The following TIAM1 variants were observed in gnomAD, a reference collection of about 807,000 sequenced individuals.
TIAM1 encodes the protein rho guanine nucleotide exchange factor TIAM1.
A neutral mutation model predicts 163.5 loss-of-function variants in TIAM1; 65 were observed. That is an observed-to-expected ratio of 0.40 (90% CI 0.33 to 0.49). TIAM1 has a LOEUF of 0.49. Ranked by LOEUF, TIAM1 falls within the 20% of genes least tolerant of loss-of-function variation. The probability of loss-of-function intolerance (pLI) is 0.77; values close to 1 mark genes in which losing one functional copy is unlikely to be tolerated. For missense variants in TIAM1, 1,789 were observed against 2,044.7 expected (o/e 0.87, Z 2.41); for synonymous variants, 833 against 810.1 (o/e 1.03, Z -0.48).
intron 2 of TIAM1, among the ~76,000 whole-genome samples, chr21:31,372,451 G>A (rs1202682429): frequency 1.3e-5 from 2 of 152,130 alleles, no homozygotes; most frequent in African/African-American, 2.4e-5. Flanking sequence ...GCCTTAGGGG[G>A]GCATCTGTGA....
At chr21:31,448,956 T>C (rs925198676) in intron 2 of TIAM1, among the ~76,000 whole-genome samples, 1 of 152,082 alleles carries the variant, frequency 6.6e-6, no homozygotes, top group East Asian at 1.9e-4. Flanking sequence ...GCCCACCTGC[T>C]AGGATTGGCT....
chr21:31,427,763 G>A (rs1416137575), intron 2 of TIAM1, among the ~76,000 whole-genome samples: 1 of 152,104 alleles, frequency 6.6e-6, no homozygotes, highest in Non-Finnish European at 1.5e-5. Context: ...GAGCCCAGGA[G>A]ATTGAGGCTG....
chr21:31,458,528 A>G lies in TIAM1; in HGVS notation c.-369+5455T>C, dbSNP rs1187268320. 2.6e-5 allele frequency among the ~76,000 whole-genome samples: 4 copies of G among 152,314 alleles called. No individual in the cohort carries two copies. The East Asian group carries it at 7.7e-4, about 29-fold the overall frequency. On this transcript the variant is annotated intron_variant, in intron 2 of 28. Coordinates refer to the TIAM1 transcript ENST00000286827. ...TAAGTCTGAACTATTCCCTCAATGT[A>G]TTCTTCTTGGGAAACTGTACTTACC...
intron 2 of TIAM1, among the ~76,000 whole-genome samples, chr21:31,447,292 C>G (rs1002924953): frequency 6.6e-6 from 1 of 151,894 alleles, no homozygotes; most frequent in Non-Finnish European, 1.5e-5. Context: ...TTTTAATTAG[C>G]AGGGTGTAGT....
chr21:31,376,584 C>T (rs182141918), intron 2 of TIAM1, among the ~76,000 whole-genome samples: 5 of 152,242 alleles, frequency 3.3e-5, no homozygotes, highest in African/African-American at 9.6e-5. Flanking sequence ...CAAACACACG[C>T]ACAGCAGAGG....
At chr21:31,243,012 C>G (rs1032340384) in intron 6 of TIAM1, among the ~76,000 whole-genome samples, 1 of 150,258 alleles carries the variant, frequency 6.7e-6, no homozygotes, top group Non-Finnish European at 1.5e-5. Flanking sequence ...CATGGAGAAA[C>G]CCCACCTCTA....
rs781153297 is a variant in TIAM1 at position 31,181,756 on chromosome 21, CTTTTTTTTTTTTTTTT to C, written c.2887+649_2887+664del. On this transcript the variant is annotated intron_variant, in intron 15 of 27. Coordinates refer to ENST00000541036, the MANE Select transcript of TIAM1 (RefSeq NM_001353694.2). ...CCCAGCACTTCTTCTTCTTCTTCTT[CTTTTTTTTTTTTTTTT>C]TTTTTTTTTTTTTTTTTTTTTTTTT... 5.7e-3 allele frequency among the ~76,000 whole-genome samples: 234 copies of C among 41,328 alleles called. 24 individuals are homozygous for C. The highest frequency in any genetic ancestry group is 0.013 in the African/African-American group (168 of 12,686). 27.1% of individuals were successfully genotyped at this position (41,328 alleles called of 152,430 possible).
At chr21:31,194,403 G>A (rs577566173) in intron 13 of TIAM1, among the ~76,000 whole-genome samples, 3 of 152,176 alleles carry the variant, frequency 2.0e-5, no homozygotes. Context: ...ATTTGTATGG[G>A]AAGGGAGGAT....
chr21:31,252,758 G>T (rs894963790), intron 4 of TIAM1, among the ~76,000 whole-genome samples: 1 of 152,184 alleles, frequency 6.6e-6, no homozygotes, highest in African/African-American at 2.4e-5. Context: ...CACCCAGCAC[G>T]GCTCCGTGTT....
chr21:31,390,453 A>G (rs28522576), intron 2 of TIAM1, among the ~76,000 whole-genome samples: 10,671 of 152,170 alleles, frequency 0.07, 901 homozygotes, highest in African/African-American at 0.21. Flanking sequence ...GCCTTTTCCT[A>G]TGTATTGAAA....
intron 5 of TIAM1, among the ~76,000 whole-genome samples, chr21:31,247,505 C>A (rs1296859284): frequency 6.6e-6 from 1 of 151,850 alleles, no homozygotes; most frequent in African/African-American, 2.4e-5. Context: ...AGTGAACCTC[C>A]TATCTCAGCC....
At position 31,283,639 on chromosome 21, in the gene TIAM1, GATTCAAGCA is replaced by G. The variant is rs1363502239; in HGVS notation, c.-188-6740_-188-6732del. ...TGCTCACTGCAACCTCTGCCTCCGGGATTCAAGCAATTCTCCTGCCTCAGCCTCCCAAGT... is the reference window on the plus strand; with the variant it reads ...TGCTCACTGCAACCTCTGCCTCCGGGATTCTCCTGCCTCAGCCTCCCAAGT... On this transcript the variant is annotated intron_variant, in intron 2 of 27. Coordinates refer to ENST00000541036, the MANE Select transcript of TIAM1 (RefSeq NM_001353694.2). Among the ~76,000 whole-genome samples the G allele has an allele frequency of 3.9e-5, 6 of 152,106 alleles. No homozygotes were observed. The East Asian group carries it at 1.2e-3, about 29-fold the overall frequency.
At chr21:31,269,873 A>G (rs1313074988) in intron 3 of TIAM1, among the ~76,000 whole-genome samples, 1 of 151,926 alleles carries the variant, frequency 6.6e-6, no homozygotes. Flanking sequence ...GGGTTTCACT[A>G]TGTTAGCCAG....
At chr21:31,122,029 G>A (rs1438342888) in intron 27 of TIAM1, among the ~76,000 whole-genome samples, 1 of 152,156 alleles carries the variant, frequency 6.6e-6, no homozygotes, top group African/African-American at 2.4e-5. Flanking sequence ...AAGATGCCTC[G>A]TGTCTCAATT....
At position 31,555,186 on chromosome 21, in the gene TIAM1, CT is replaced by C. The variant is rs545553753; in HGVS notation, c.-422+3740del. Among the ~76,000 whole-genome samples, 378 of 132,520 alleles carry C rather than the reference CT, an allele frequency of 2.9e-3. 1 individual carries two copies. Among genetic ancestry groups the C allele is most frequent in the Middle Eastern group, 3.9e-3 (1 of 256 alleles). 86.9% of individuals were successfully genotyped at this position (132,520 alleles called of 152,430 possible). On this transcript the variant is annotated intron_variant, in intron 1 of 28. Coordinates refer to the TIAM1 transcript ENST00000286827. ...CAATGATGATGAGAGAGAATTTGTTCTTTTTTTTTTTTTTTACACAGGAGTT... is the reference window on the plus strand; with the variant it reads ...CAATGATGATGAGAGAGAATTTGTTCTTTTTTTTTTTTTTACACAGGAGTT...
chr21:31,296,406 G>C (rs2074268983), intron 2 of TIAM1, among the ~76,000 whole-genome samples: 1 of 152,134 alleles, frequency 6.6e-6, no homozygotes, highest in African/African-American at 2.4e-5. Flanking sequence ...ACCTAAAAGT[G>C]ACAGAGGACT....
intron 1 of TIAM1, among the ~76,000 whole-genome samples, chr21:31,535,972 C>T (rs899836988): frequency 3.3e-5 from 5 of 152,134 alleles, no homozygotes; most frequent in Admixed American, 1.3e-4. Flanking sequence ...GAATGGAAGA[C>T]GATGGGTTAC....
intron 10 of TIAM1, among the ~76,000 whole-genome samples, chr21:31,210,748 GAGAAAGAAAGAAAGAA>G (rs1272829774): frequency 0.05 from 3,000 of 59,834 alleles, 124 homozygotes; most frequent in Middle Eastern, 0.096. Context: ...GGAAGGAAGG[GAGAAAGAAAGAAAGAA>G]AGAAAGAAAG....
At chr21:31,546,552 AAAAAAAAG>A (rs1440203318) in intron 1 of TIAM1, among the ~76,000 whole-genome samples, 2 of 97,714 alleles carry the variant, frequency 2.0e-5, no homozygotes, top group African/African-American at 7.3e-5. Flanking sequence ...TCCATCTCAA[AAAAAAAAG>A]AAAGAAAGAA....
Sources: gnomAD v4.1 joint callset for allele counts (sites outside exome capture counted in the v4.1 genomes callset) on GRCh38, gnomAD v4.1.1 for gene constraint, MANE v1.5 for transcripts, NCBI Gene and HGNC (gene_info 2026-07-23, HGNC 2026-07-21) for gene names.